Variants in KLB observed in about 807,000 individuals in gnomAD.
KLB encodes the protein klotho beta.
In KLB, 44 loss-of-function variants were observed where a neutral mutation model predicts 88.4. That is an observed-to-expected ratio of 0.50 (90% CI 0.39 to 0.64). The LOEUF (loss-of-function observed/expected upper bound fraction) is 0.64. Among genes scored for constraint, KLB ranks in the 30% least tolerant of loss-of-function variants. The probability of loss-of-function intolerance (pLI) is 0.00; values close to 1 mark genes in which losing one functional copy is unlikely to be tolerated. For missense variants in KLB, 1,137 were observed against 1,304.8 expected (o/e 0.87, Z 1.98); for synonymous variants, 548 against 513.4 (o/e 1.07, Z -0.91).
At chr4:39,413,111 A>G (rs900891153) in intron 1 of KLB, among the ~76,000 whole-genome samples, 14 of 151,956 alleles carry the variant, frequency 9.2e-5, no homozygotes, top group African/African-American at 3.4e-4. Context: ...TCTCACGTCC[A>G]TTTCTTCCTC....
intron 1 of KLB, among the ~76,000 whole-genome samples, chr4:39,408,801 T>C (rs1270288325): frequency 2.0e-5 from 3 of 152,094 alleles, no homozygotes; most frequent in Non-Finnish European, 4.4e-5. Context: ...TTTAACTTTT[T>C]GAGTCAAATA....
chr4:39,419,952 A>G, intron 1 of KLB, among the ~76,000 whole-genome samples: 1 of 151,554 alleles, frequency 6.6e-6, no homozygotes, highest in Non-Finnish European at 1.5e-5. Context: ...CTCAAAAAAA[A>G]AAAAAAAAAA....
chr4:39,415,385 T>C (rs1742944735), intron 1 of KLB, among the ~76,000 whole-genome samples: 1 of 152,114 alleles, frequency 6.6e-6, no homozygotes, highest in Admixed American at 6.6e-5. Flanking sequence ...TCTCAACACT[T>C]TGGGAGGTCG....
intron 3 of KLB, among the ~76,000 whole-genome samples, chr4:39,442,488 C>T: frequency 6.7e-6 from 1 of 148,378 alleles, no homozygotes; most frequent in Non-Finnish European, 1.5e-5. Context: ...AGCTGGAGTG[C>T]AATGGCGCGA....
intron 1 of KLB, among the ~76,000 whole-genome samples, chr4:39,413,231 A>G (rs913230981): frequency 2.6e-5 from 4 of 152,222 alleles, no homozygotes; most frequent in African/African-American, 9.6e-5. Flanking sequence ...AAGGGTTCAC[A>G]TTAGTAAAGG....
intron 1 of KLB, among the ~76,000 whole-genome samples, chr4:39,423,028 A>C (rs1743123072): frequency 6.6e-6 from 1 of 151,744 alleles, no homozygotes; most frequent in Non-Finnish European, 1.5e-5. Context: ...CAGCCTTCCA[A>C]AGTGCTGGGA....
chr4:39,445,109 A>G (rs1451279915), intron 3 of KLB, among the ~76,000 whole-genome samples: 1 of 152,216 alleles, frequency 6.6e-6, no homozygotes, highest in African/African-American at 2.4e-5. Flanking sequence ...GCAGGCAATT[A>G]TTGCCACTAG....
chr4:39,414,946 A>C (rs1742937372), intron 1 of KLB, among the ~76,000 whole-genome samples: 1 of 149,380 alleles, frequency 6.7e-6, no homozygotes, highest in Non-Finnish European at 1.5e-5. Context: ...TCCATTTTTG[A>C]TGCTATAACA....
chr4:39,448,761 C>T lies in KLB; in HGVS notation c.*75C>T. ...ATGCTGGTAACTTACAGGAGATATA[C>T]CTGTATTATAGAAAGACAATCTGAG... On this transcript the variant is annotated 3_prime_UTR_variant, in exon 5 of 5. Coordinates refer to ENST00000257408, the MANE Select transcript of KLB (RefSeq NM_175737.4). 1 of 1,356,800 alleles carries T rather than the reference C, an allele frequency of 7.4e-7. No individual in the cohort carries two copies. Among genetic ancestry groups the T allele is most frequent in the Non-Finnish European group, 1.0e-6 (1 of 994,162 alleles). 84.0% of individuals were successfully genotyped at this position (1,356,800 alleles called of 1,614,324 possible).
intron 1 of KLB, among the ~76,000 whole-genome samples, chr4:39,434,005 C>T (rs959321296): frequency 6.6e-6 from 1 of 152,208 alleles, no homozygotes; most frequent in African/African-American, 2.4e-5. Context: ...TTCTGCCAGC[C>T]TCCAGCTCTC....
intron 3 of KLB, among the ~76,000 whole-genome samples, chr4:39,442,922 A>C (rs1743645730): frequency 6.6e-6 from 1 of 152,172 alleles, no homozygotes; most frequent in Admixed American, 6.5e-5. Flanking sequence ...AATGTCCTTT[A>C]TAGATTAAAA....
intron 3 of KLB, among the ~76,000 whole-genome samples, chr4:39,442,458 G>A (rs949052826): frequency 1.4e-5 from 2 of 139,368 alleles, no homozygotes; most frequent in African/African-American, 5.6e-5. Flanking sequence ...TTTTGAGACA[G>A]AGCCTTGCTC....
rs146152443 is a variant in KLB, at chr4:39,448,498, A to G, written c.2947A>G (p.Thr983Ala). Residue 983 changes from threonine (T) to alanine (A), a missense_variant, in exon 5 of 5, where the codon ACA becomes GCA. Thr to Ala is a moderately conservative substitution (Grantham distance 58). Around this residue, in one of 4 missense-constraint regions of KLB, gnomAD observed 426 missense variants for 404.6 expected, o/e 1.05. Transcript: ENST00000257408. ...SSRCSQTQEN[T>A]ECTVCLFLVQ... ...TAGATGCAGTCAGACCCAAGAAAAT[A>G]CAGAGTGCACTGTCTGCTTATTCCT... The G allele has an allele frequency of 2.4e-3, 3,912 of 1,614,170 alleles. 15 individuals carry two copies. Among genetic ancestry groups the G allele is most frequent in the Non-Finnish European group, 2.9e-3 (3,380 of 1,179,998 alleles).
intron 1 of KLB, among the ~76,000 whole-genome samples, chr4:39,412,670 C>T (rs1560643832): frequency 6.6e-6 from 1 of 152,152 alleles, no homozygotes; most frequent in Non-Finnish European, 1.5e-5. Flanking sequence ...CTGCTGGCTC[C>T]CATAAGATGG....
At chr4:39,435,614 C>T (rs190805174) in intron 2 of KLB, among the ~76,000 whole-genome samples, 38 of 150,504 alleles carry the variant, frequency 2.5e-4, no homozygotes, top group Admixed American at 1.6e-3. Context: ...TTAGTAGAGA[C>T]GGGGGTTCAA....
At chr4:39,429,651 C>A (rs1193090248) in intron 1 of KLB, among the ~76,000 whole-genome samples, 1 of 152,158 alleles carries the variant, frequency 6.6e-6, no homozygotes, top group East Asian at 1.9e-4. Flanking sequence ...TAGAGGGTGA[C>A]CTTGGAAAAG....
intron 3 of KLB, among the ~76,000 whole-genome samples, chr4:39,444,894 T>C (rs1203391448): frequency 1.3e-5 from 2 of 152,192 alleles, no homozygotes; most frequent in Admixed American, 1.3e-4. Context: ...AATTAAACTA[T>C]GAAAGATGAC....
chr4:39,412,110 A>T (rs1742865800), intron 1 of KLB: 1 of 152,038 alleles, frequency 6.6e-6, no homozygotes, highest in Non-Finnish European at 1.5e-5. Flanking sequence ...CATATTGGAT[A>T]CAATGTATAC....
At chr4:39,433,613 A>T (rs138131165) in intron 1 of KLB, among the ~76,000 whole-genome samples, 153 of 152,222 alleles carry the variant, frequency 1.0e-3, no homozygotes, top group Middle Eastern at 3.4e-3. Context: ...TAATCCCAAC[A>T]CTTTGGGAGG....
Sources: allele counts gnomAD v4.1 joint callset (sites outside exome capture counted in the v4.1 genomes callset), GRCh38; gene constraint gnomAD v4.1.1; regional missense constraint gnomAD v4.1.1; transcripts MANE v1.5; gene names NCBI Gene and HGNC (gene_info 2026-07-23, HGNC 2026-07-21).